Variants in NPAS2 observed in about 807,000 individuals in gnomAD.
NPAS2 encodes the protein neuronal PAS domain-containing protein 2.
A neutral mutation model predicts 107.5 loss-of-function variants in NPAS2; 23 were observed. The observed-to-expected ratio is 0.21, with a 90% CI of 0.15 to 0.30. NPAS2 has a LOEUF of 0.30. NPAS2 is among the 10% of genes least tolerant of loss of function. The pLI is 1.00. For missense variants in NPAS2, 756 were observed against 1,043.3 expected (o/e 0.72, Z 3.79); for synonymous variants, 403 against 417.5 (o/e 0.97, Z 0.42).
intron 3 of NPAS2, among the ~76,000 whole-genome samples, chr2:100,926,933 TTTTC>T (rs1683605377): frequency 1.3e-5 from 2 of 148,410 alleles, no homozygotes; most frequent in Admixed American, 6.7e-5. Context: ...TTTTTTCTTT[TTTTC>T]TTTCTTTTTT....
At chr2:100,944,908 C>T (rs1367960060) in intron 5 of NPAS2, among the ~76,000 whole-genome samples, 1 of 152,186 alleles carries the variant, frequency 6.6e-6, no homozygotes, top group Admixed American at 6.5e-5. Context: ...CTCTGCCACA[C>T]CCACCGTCAG....
At chr2:100,975,662 C>T (rs927932448) in intron 14 of NPAS2, 95 bp downstream of exon 14, 8 of 883,538 alleles carry the variant, frequency 9.1e-6, no homozygotes, top group South Asian at 4.0e-5. Flanking sequence ...CCAGAGAATC[C>T]GTTTTACTTA....
At chr2:100,850,406 A>C (rs949659393) in intron 1 of NPAS2, among the ~76,000 whole-genome samples, 16 of 152,178 alleles carry the variant, frequency 1.1e-4, no homozygotes, top group African/African-American at 3.9e-4. Context: ...GCATTCATTC[A>C]TGTGAGGGTA....
chr2:100,891,302 A>G (rs926725063), intron 1 of NPAS2, among the ~76,000 whole-genome samples: 2 of 152,106 alleles, frequency 1.3e-5, no homozygotes, highest in South Asian at 4.2e-4. Flanking sequence ...CTTTCTACCA[A>G]CAAGGTGTGC....
At chr2:100,879,258 C>G (rs141921494) in intron 1 of NPAS2, among the ~76,000 whole-genome samples, 6 of 151,984 alleles carry the variant, frequency 3.9e-5, no homozygotes, top group Admixed American at 2.0e-4. Context: ...GGGTTTACAA[C>G]GTATTACGGG....
At chr2:100,911,679 T>C (rs985792404) in intron 2 of NPAS2, among the ~76,000 whole-genome samples, 9 of 152,166 alleles carry the variant, frequency 5.9e-5, no homozygotes, top group African/African-American at 1.9e-4. Context: ...TTGCCCAGGC[T>C]GGAGTGCAGT....
intron 1 of NPAS2, among the ~76,000 whole-genome samples, chr2:100,847,908 T>G (rs185360782): frequency 6.6e-6 from 1 of 152,318 alleles, no homozygotes; most frequent in East Asian, 1.9e-4. Flanking sequence ...CAAGAACCAC[T>G]TTGGTTTCTA....
intron 16 of NPAS2, chr2:100,987,538 T>C (rs2105306268): frequency 6.5e-6 from 1 of 153,288 alleles, no homozygotes; most frequent in South Asian, 2.0e-4. Flanking sequence ...CTGAGAGCAC[T>C]GGATTGAAAA....
At chr2:100,942,101 A>G (rs536786231) in intron 5 of NPAS2, among the ~76,000 whole-genome samples, 2 of 152,254 alleles carry the variant, frequency 1.3e-5, no homozygotes, top group Non-Finnish European at 1.5e-5. Flanking sequence ...ACCTTCCCCA[A>G]AGAAAACAAG....
At chr2:100,894,619 T>G (rs1410718990) in intron 1 of NPAS2, among the ~76,000 whole-genome samples, 1 of 152,104 alleles carries the variant, frequency 6.6e-6, no homozygotes, top group African/African-American at 2.4e-5. Context: ...AAATAAATGA[T>G]TAAACATTTC....
intron 1 of NPAS2, among the ~76,000 whole-genome samples, chr2:100,846,210 G>T (rs990829434): frequency 8.5e-5 from 13 of 152,200 alleles, no homozygotes; most frequent in Non-Finnish European, 1.5e-5. Flanking sequence ...GAAAATTCTA[G>T]GGTGGTAACA....
At chr2:100,990,129 A>C in intron 17 of NPAS2, 127 bp from the exon 18 acceptor site, 1 of 782,122 alleles carries the variant, frequency 1.3e-6, no homozygotes, top group South Asian at 1.6e-5. Flanking sequence ...GTAATTCAGT[A>C]GTTGGGAGGT....
chr2:100,948,991 G>C (rs149531371), intron 6 of NPAS2, among the ~76,000 whole-genome samples: 56 of 152,252 alleles, frequency 3.7e-4, no homozygotes, highest in African/African-American at 1.1e-3. Flanking sequence ...CTGTCCTGTC[G>C]TACATCTGAT....
intron 1 of NPAS2, among the ~76,000 whole-genome samples, chr2:100,859,342 T>A (rs1294944436): frequency 6.6e-6 from 1 of 152,210 alleles, no homozygotes; most frequent in Non-Finnish European, 1.5e-5. Flanking sequence ...GTGGTCGAGA[T>A]CTTTTGTTCA....
At chr2:100,863,978 A>G (rs1418727584) in intron 1 of NPAS2, among the ~76,000 whole-genome samples, 2 of 152,186 alleles carry the variant, frequency 1.3e-5, no homozygotes, top group Admixed American at 6.5e-5. Context: ...GCACTTAGAA[A>G]TTGTCTGAAA....
chr2:100,868,436 A>G (rs550755039), intron 1 of NPAS2, among the ~76,000 whole-genome samples: 2 of 152,270 alleles, frequency 1.3e-5, no homozygotes, highest in East Asian at 1.9e-4. Flanking sequence ...GACTTTGGTA[A>G]TCTGCAGTGT....
At chr2:100,953,419 C>T (rs1241615220) in intron 7 of NPAS2, among the ~76,000 whole-genome samples, 1 of 146,342 alleles carries the variant, frequency 6.8e-6, no homozygotes, top group Non-Finnish European at 1.5e-5. Context: ...AAATTGCCAA[C>T]ATTTAACCAC....
intron 2 of NPAS2, among the ~76,000 whole-genome samples, chr2:100,922,271 A>T (rs1683271686): frequency 1.3e-5 from 2 of 152,154 alleles, no homozygotes; most frequent in African/African-American, 4.8e-5. Context: ...TATTGAATTT[A>T]AAAAATGCCT....
At chr2:100,990,758 A>G in intron 18 of NPAS2, 22 bp from the exon 19 acceptor site, 1 of 1,608,134 alleles carries the variant, frequency 6.2e-7, no homozygotes, top group Non-Finnish European at 8.5e-7. Flanking sequence ...TCAGTTTCCT[A>G]TTTCCCCACC....
Sources: allele counts gnomAD v4.1 joint callset (sites outside exome capture counted in the v4.1 genomes callset), GRCh38; gene constraint gnomAD v4.1.1; transcripts MANE v1.5; gene names NCBI Gene and HGNC (gene_info 2026-07-23, HGNC 2026-07-21).